Variants in STXBP5L observed in about 807,000 individuals in gnomAD.
STXBP5L encodes the protein syntaxin-binding protein 5-like.
STXBP5L carries 65 observed loss-of-function variants against 144.5 expected under a neutral mutation model. That is an observed-to-expected ratio of 0.45 (90% CI 0.37 to 0.55). STXBP5L has a LOEUF of 0.55. Among genes scored for constraint, STXBP5L ranks in the 20% least tolerant of loss-of-function variants. The probability of loss-of-function intolerance (pLI) is 0.00; values close to 1 mark genes in which losing one functional copy is unlikely to be tolerated. For synonymous variants in STXBP5L, 505 were observed against 469.6 expected (o/e 1.08, Z -0.97); for missense variants, 1,298 against 1,405.5 (o/e 0.92, Z 1.22).
chr3:121,257,452 C>T, intron 17 of STXBP5L, 119 bp downstream of exon 17: 1 of 865,728 alleles, frequency 1.2e-6, no homozygotes, highest in South Asian at 2.2e-5. Flanking sequence ...ATCTACAATT[C>T]TTCAGGGGTT....
At chr3:121,211,156 A>G (rs2048549771) in intron 10 of STXBP5L, among the ~76,000 whole-genome samples, 1 of 152,090 alleles carries the variant, frequency 6.6e-6, no homozygotes, top group Non-Finnish European at 1.5e-5. Flanking sequence ...CATCCCTTGT[A>G]AGTTGGATTG....
chr3:121,055,073 G>A lies in STXBP5L; in HGVS notation c.470+9538G>A, dbSNP rs138587163. ...AGAAACATAAAAGAGCAAGCTGACA[G>A]ATTTGAGATAAGTTTTAATCACAGG... On this transcript the variant is annotated intron_variant, in intron 5 of 26. Coordinates refer to ENST00000471454, the MANE Select transcript of STXBP5L (RefSeq NM_001308330.2). Among the ~76,000 whole-genome samples, 691 of 152,262 alleles carry A rather than the reference G, an allele frequency of 4.5e-3. 4 individuals carry two copies. Among genetic ancestry groups the A allele is most frequent in the African/African-American group, 0.016 (658 of 41,562 alleles).
chr3:121,212,090 G>T (rs955929387), intron 10 of STXBP5L, among the ~76,000 whole-genome samples: 1 of 152,120 alleles, frequency 6.6e-6, no homozygotes, highest in Non-Finnish European at 1.5e-5. Context: ...ATTTGCTTAC[G>T]TTCCTTGTAG....
intron 19 of STXBP5L, among the ~76,000 whole-genome samples, chr3:121,283,148 G>T (rs2051117454): frequency 6.6e-6 from 1 of 151,816 alleles, no homozygotes; most frequent in African/African-American, 2.4e-5. Context: ...TGGCCTTATA[G>T]TTGTATAACA....
chr3:120,991,379 G>T (rs984296403), intron 3 of STXBP5L, among the ~76,000 whole-genome samples: 10 of 149,498 alleles, frequency 6.7e-5, no homozygotes, highest in African/African-American at 2.5e-4. Flanking sequence ...TTACAGTGGT[G>T]GTGGGACTGT....
At chr3:121,147,328 G>C (rs1314066673) in intron 7 of STXBP5L, among the ~76,000 whole-genome samples, 1 of 151,972 alleles carries the variant, frequency 6.6e-6, no homozygotes, top group African/African-American at 2.4e-5. Flanking sequence ...TCCCCTAATT[G>C]TTTAGTCATT....
intron 14 of STXBP5L, among the ~76,000 whole-genome samples, chr3:121,248,933 C>T (rs1179134514): frequency 6.6e-6 from 1 of 152,020 alleles, no homozygotes; most frequent in Non-Finnish European, 1.5e-5. Flanking sequence ...TTTTTGTCAG[C>T]CTTGTCAAAG....
At chr3:120,928,950 C>T (rs1709778661) in intron 2 of STXBP5L, among the ~76,000 whole-genome samples, 1 of 152,074 alleles carries the variant, frequency 6.6e-6, no homozygotes, top group Non-Finnish European at 1.5e-5. Flanking sequence ...AACCCACCAT[C>T]GTTTGTATTT....
intron 5 of STXBP5L, among the ~76,000 whole-genome samples, chr3:121,058,811 T>G (rs949715667): frequency 6.7e-6 from 1 of 149,700 alleles, no homozygotes; most frequent in Non-Finnish European, 1.5e-5. Context: ...TTGCCCACTT[T>G]TTGATGGGGT....
intron 20 of STXBP5L, among the ~76,000 whole-genome samples, chr3:121,362,904 A>G (rs2045755473): frequency 6.6e-6 from 1 of 152,034 alleles, no homozygotes; most frequent in Non-Finnish European, 1.5e-5. Context: ...GCACCTGGAT[A>G]TTGCTGCTGG....
At chr3:121,017,961 C>G (rs1168059358) in intron 3 of STXBP5L, among the ~76,000 whole-genome samples, 1 of 152,100 alleles carries the variant, frequency 6.6e-6, no homozygotes, top group African/African-American at 2.4e-5. Flanking sequence ...CACCCGCAGT[C>G]CTAACTACCC....
chr3:120,965,638 G>A (rs1939473638), intron 3 of STXBP5L, among the ~76,000 whole-genome samples: 1 of 152,184 alleles, frequency 6.6e-6, no homozygotes, highest in Non-Finnish European at 1.5e-5. Context: ...TTTCTGCTGA[G>A]AGATCTGTTG....
intron 5 of STXBP5L, among the ~76,000 whole-genome samples, chr3:121,054,646 G>C (rs914914770): frequency 4.0e-5 from 6 of 150,542 alleles, no homozygotes; most frequent in Admixed American, 3.3e-4. Context: ...GGTAAATGAC[G>C]AGTTAATGGG....
intron 2 of STXBP5L, 132 bp downstream of exon 2, chr3:120,909,899 T>A: frequency 1.1e-6 from 1 of 925,086 alleles, no homozygotes; most frequent in Non-Finnish European, 1.6e-6. Flanking sequence ...GAAAGCTCTG[T>A]GGGTAGATCA....
chr3:120,917,547 G>C (rs538939443), intron 2 of STXBP5L, among the ~76,000 whole-genome samples: 1 of 152,132 alleles, frequency 6.6e-6, no homozygotes, highest in East Asian at 1.9e-4. Flanking sequence ...AAAATAGCAA[G>C]GGGTGGCCAT....
intron 5 of STXBP5L, among the ~76,000 whole-genome samples, chr3:121,082,389 G>T (rs6810159): frequency 0.099 from 15,105 of 151,810 alleles, 1,179 homozygotes; most frequent in Admixed American, 0.2. Flanking sequence ...AATTTTGTTT[G>T]GCACATGTTC....
intron 5 of STXBP5L, among the ~76,000 whole-genome samples, chr3:121,071,274 A>G (rs187851507): frequency 1.3e-5 from 2 of 152,372 alleles, no homozygotes; most frequent in South Asian, 2.1e-4. Flanking sequence ...ACATATAACT[A>G]TGTTTGTACA....
At chr3:121,356,377 C>T (rs1277736021) in intron 20 of STXBP5L, among the ~76,000 whole-genome samples, 1 of 152,218 alleles carries the variant, frequency 6.6e-6, no homozygotes, top group Non-Finnish European at 1.5e-5. Context: ...CTCTGTTTAC[C>T]TACTGAAGCC....
intron 7 of STXBP5L, among the ~76,000 whole-genome samples, chr3:121,126,300 G>T (rs759048453): frequency 4.6e-5 from 7 of 152,106 alleles, no homozygotes; most frequent in Non-Finnish European, 8.8e-5. Context: ...CTGCTTTCTT[G>T]CTGTAAGAGT....
Sources: allele counts gnomAD v4.1 joint callset (sites outside exome capture counted in the v4.1 genomes callset), GRCh38; gene constraint gnomAD v4.1.1; transcripts MANE v1.5; gene names NCBI Gene and HGNC (gene_info 2026-07-23, HGNC 2026-07-21).